DPY19L1: variants seen among roughly 807,000 people sequenced by gnomAD.
DPY19L1 encodes the protein dpy-19 like C-mannosyltransferase 1.
In DPY19L1, 35 loss-of-function variants were observed where a neutral mutation model predicts 96.9. The ratio of observed to expected loss-of-function variants is 0.36; its 90% CI spans 0.28 to 0.48. The LOEUF is 0.48. Ranked by LOEUF, DPY19L1 falls within the 20% of genes least tolerant of loss-of-function variation. The pLI, the probability that DPY19L1 is intolerant of heterozygous loss-of-function variation, is 0.99. For synonymous variants in DPY19L1, 205 were observed against 252.6 expected (o/e 0.81, Z 1.79); for missense variants, 521 against 777.9 (o/e 0.67, Z 3.93).
chr7:35,001,441 T>C (rs1223822145), intron 6 of DPY19L1, among the ~76,000 whole-genome samples: 2 of 152,210 alleles, frequency 1.3e-5, no homozygotes, highest in Non-Finnish European at 1.5e-5. Flanking sequence ...AACACTACCT[T>C]ATTCCATTCT....
At chr7:34,999,503 G>C (rs562690320) in intron 6 of DPY19L1, among the ~76,000 whole-genome samples, 3 of 152,168 alleles carry the variant, frequency 2.0e-5, no homozygotes, top group East Asian at 3.9e-4. Flanking sequence ...ACCAACCTGG[G>C]GTCCAAAACA....
intron 1 of DPY19L1, among the ~76,000 whole-genome samples, chr7:35,022,122 C>T (rs1470120177): frequency 6.6e-6 from 1 of 152,100 alleles, no homozygotes; most frequent in Non-Finnish European, 1.5e-5. Context: ...ATGATTTTCT[C>T]TAAGTTTATT....
chr7:35,002,005 G>A (rs2128675675), intron 6 of DPY19L1, among the ~76,000 whole-genome samples: 1 of 151,594 alleles, frequency 6.6e-6, no homozygotes, highest in South Asian at 2.1e-4. Flanking sequence ...CGTGCCTGTA[G>A]TCCCAGCTAC....
chr7:34,978,563 C>T (rs1368885554), intron 7 of DPY19L1, among the ~76,000 whole-genome samples: 1 of 152,020 alleles, frequency 6.6e-6, no homozygotes, highest in African/African-American at 2.4e-5. Flanking sequence ...CTACTTAGGG[C>T]AGTTCCATTA....
rs185471047 is a variant in DPY19L1, at chr7:34,929,345, A to G, written c.*2228T>C. 1 of 152,262 alleles carries G rather than the reference A, an allele frequency of 6.6e-6. No homozygotes were observed. Among genetic ancestry groups the G allele is most frequent in the East Asian group, 1.9e-4 (1 of 5,184 alleles). 9.4% of individuals were successfully genotyped at this position (152,262 alleles called of 1,614,324 possible). ...AGGGACCTTCAGGCCTCTGCTCCAAACTGGCTCCCCTAATATATAGCCATA... is the reference window on the plus strand; with the variant it reads ...AGGGACCTTCAGGCCTCTGCTCCAAGCTGGCTCCCCTAATATATAGCCATA... On this transcript the variant is annotated 3_prime_UTR_variant, in exon 22 of 22. Transcript: ENST00000638088.
intron 6 of DPY19L1, among the ~76,000 whole-genome samples, chr7:34,993,361 C>T (rs570198076): frequency 2.0e-5 from 3 of 151,992 alleles, no homozygotes; most frequent in Non-Finnish European, 4.4e-5. Flanking sequence ...CTTTTACCAG[C>T]GAAATGAAAT....
At chr7:34,963,054 G>A (rs1480179330) in intron 10 of DPY19L1, among the ~76,000 whole-genome samples, 1 of 152,024 alleles carries the variant, frequency 6.6e-6, no homozygotes, top group African/African-American at 2.4e-5. Context: ...AATTAGCTGA[G>A]TGTGGTGGCA....
chr7:34,971,262 AG>A (rs1562811536), intron 8 of DPY19L1, among the ~76,000 whole-genome samples: 1 of 152,210 alleles, frequency 6.6e-6, no homozygotes, highest in Non-Finnish European at 1.5e-5. Flanking sequence ...ACTATCCTTC[AG>A]AAAAAAGACA....
intron 12 of DPY19L1, among the ~76,000 whole-genome samples, 171 bp from the exon 13 acceptor site, chr7:34,954,949 G>A: frequency 6.8e-6 from 1 of 146,664 alleles, no homozygotes; most frequent in African/African-American, 2.5e-5. Flanking sequence ...CAAAATCAAG[G>A]GACAGTAACT....
intron 10 of DPY19L1, among the ~76,000 whole-genome samples, chr7:34,962,029 GAC>G (rs554209143): frequency 1.3e-5 from 2 of 152,166 alleles, no homozygotes; most frequent in Non-Finnish European, 2.9e-5. Context: ...CACTTTGGAA[GAC>G]AGTTTGGCAA....
intron 1 of DPY19L1, among the ~76,000 whole-genome samples, chr7:35,023,813 T>C (rs1786052335): frequency 6.8e-6 from 1 of 147,590 alleles, no homozygotes; most frequent in Non-Finnish European, 1.5e-5. Flanking sequence ...TGAAGAAATA[T>C]ATTCTTTTTC....
chr7:34,933,381 A>G (rs1783799280), intron 21 of DPY19L1, among the ~76,000 whole-genome samples: 4 of 152,236 alleles, frequency 2.6e-5, no homozygotes, highest in South Asian at 2.1e-4. Flanking sequence ...AGAACATACA[A>G]TATTTGCTAT....
chr7:35,027,971 A>G (rs1445362588), intron 1 of DPY19L1, among the ~76,000 whole-genome samples: 2 of 152,242 alleles, frequency 1.3e-5, no homozygotes, highest in South Asian at 2.1e-4. Flanking sequence ...TCTCCTCCAT[A>G]TATTTTGCAT....
intron 21 of DPY19L1, among the ~76,000 whole-genome samples, chr7:34,937,684 A>C (rs1168377564): frequency 3.9e-5 from 6 of 152,208 alleles, no homozygotes; most frequent in African/African-American, 1.4e-4. Flanking sequence ...CTGTACTCCC[A>C]GCACTTTGGG....
chr7:34,973,088 T>C (rs1784757461), intron 8 of DPY19L1, among the ~76,000 whole-genome samples: 1 of 152,204 alleles, frequency 6.6e-6, no homozygotes, highest in African/African-American at 2.4e-5. Context: ...AAGGCAGCTA[T>C]ATTCAATATT....
chr7:34,996,737 A>G (rs1242729512), intron 6 of DPY19L1, among the ~76,000 whole-genome samples: 2 of 152,232 alleles, frequency 1.3e-5, no homozygotes, highest in Non-Finnish European at 2.9e-5. Flanking sequence ...TCCAAACACC[A>G]AAACATATCC....
chr7:34,972,107 T>TGCAGGCAGTCTCCCAAGAAAG (rs1343104210), intron 8 of DPY19L1, among the ~76,000 whole-genome samples: 1 of 152,110 alleles, frequency 6.6e-6, no homozygotes, highest in Non-Finnish European at 1.5e-5. Context: ...AGCCAAGAAA[T>TGCAGGCAGTCTCCCAAGAAAG]GCAGGCAGTC....
intron 13 of DPY19L1, among the ~76,000 whole-genome samples, chr7:34,950,958 T>C (rs554552572): frequency 6.6e-6 from 1 of 152,122 alleles, no homozygotes; most frequent in South Asian, 2.1e-4. Context: ...TGCTGAAAGG[T>C]TGAAAACAGA....
At chr7:34,936,602 G>T (rs1015894993) in intron 21 of DPY19L1, among the ~76,000 whole-genome samples, 3 of 152,154 alleles carry the variant, frequency 2.0e-5, no homozygotes, top group African/African-American at 7.2e-5. Context: ...GAGATGCTTA[G>T]AACTTTTCTG....
Sources: gnomAD v4.1 joint callset for allele counts (sites outside exome capture counted in the v4.1 genomes callset) on GRCh38, gnomAD v4.1.1 for gene constraint, MANE v1.5 for transcripts, NCBI Gene and HGNC (gene_info 2026-07-23, HGNC 2026-07-21) for gene names.